CPXM2: variants seen among roughly 807,000 people sequenced by gnomAD.
CPXM2 encodes the protein carboxypeptidase X, M14 family member 2.
In CPXM2, 66 loss-of-function variants were observed where a neutral mutation model predicts 86.1. That is an observed-to-expected ratio of 0.77 (90% CI 0.63 to 0.94). The LOEUF is 0.94. Ranked by LOEUF, CPXM2 falls within the 40% of genes least tolerant of loss-of-function variation. The probability of loss-of-function intolerance (pLI) is 0.00; values close to 1 mark genes in which losing one functional copy is unlikely to be tolerated. For missense variants in CPXM2, 948 were observed against 1,026.3 expected (o/e 0.92, Z 1.04); for synonymous variants, 388 against 400.2 (o/e 0.97, Z 0.36).
upstream of CPXM2, among the ~76,000 whole-genome samples, chr10:123,896,492 T>C (rs1464177358): frequency 2.0e-5 from 3 of 152,216 alleles, no homozygotes; most frequent in Non-Finnish European, 4.4e-5. Context: ...ACTACATAAT[T>C]ACCCATTTCA....
At chr10:123,823,629 A>G (rs1034155847) in intron 4 of CPXM2, among the ~76,000 whole-genome samples, 4 of 152,186 alleles carry the variant, frequency 2.6e-5, no homozygotes, top group African/African-American at 9.7e-5. Context: ...TTGGAAGGAT[A>G]AGAAAATAAA....
intron 13 of CPXM2, among the ~76,000 whole-genome samples, chr10:123,753,800 C>T (rs1846134282): frequency 6.6e-6 from 1 of 152,172 alleles, no homozygotes; most frequent in Admixed American, 6.5e-5. Context: ...TTTTAGAGAT[C>T]ATCCTCTGAC....
At chr10:123,896,106 G>T (rs1945336104), upstream of CPXM2, among the ~76,000 whole-genome samples, 1 of 152,156 alleles carries the variant, frequency 6.6e-6, no homozygotes, top group African/African-American at 2.4e-5. Flanking sequence ...GAGTGTGCAG[G>T]TCTAGAGAAC....
chr10:123,918,456 A>C (rs985717056), intron 2 of CPXM2, among the ~76,000 whole-genome samples: 5 of 151,892 alleles, frequency 3.3e-5, no homozygotes, highest in Non-Finnish European at 7.4e-5. Flanking sequence ...AGAAATAAAA[A>C]CTCGAAGAAA....
Position 123,746,753 on chromosome 10 carries a change from G to A in CPXM2, c.*11C>T. 6.2e-7 allele frequency: 1 copy of A among 1,613,452 alleles called. No homozygotes were observed. The highest frequency in any genetic ancestry group is 8.5e-7 in the Non-Finnish European group (1 of 1,179,750). On this transcript the variant is annotated 3_prime_UTR_variant, in exon 14 of 14. Coordinates refer to ENST00000241305, the MANE Select transcript of CPXM2 (RefSeq NM_198148.3). ...CATGGGTCCCAGACGAGTCTCAAGG[G>A]CCCAGGAGGGTCACCCACGCTGTCG...
intron 10 of CPXM2, among the ~76,000 whole-genome samples, chr10:123,765,704 A>G (rs147405232): frequency 2.1e-3 from 315 of 152,324 alleles, no homozygotes; most frequent in Non-Finnish European, 3.7e-3. Flanking sequence ...TAACTGAACC[A>G]AGTGGCATTG....
chr10:123,882,707 G>A lies in CPXM2; in HGVS notation c.305-2398C>T, dbSNP rs1021575128. Among the ~76,000 whole-genome samples the A allele has an allele frequency of 1.2e-4, 18 of 152,040 alleles. 1 individual carries two copies. Among genetic ancestry groups the A allele is most frequent in the African/African-American group, 3.9e-4 (16 of 41,372 alleles). ...CAGGCAGTGAGAGAGGGAGCCAGGCGGTCCCCCAGCACTATGGCCTGGGCA... is the reference window on the plus strand; with the variant it reads ...CAGGCAGTGAGAGAGGGAGCCAGGCAGTCCCCCAGCACTATGGCCTGGGCA... On this transcript the variant is annotated intron_variant, in intron 1 of 13. Coordinates refer to ENST00000241305, the MANE Select transcript of CPXM2 (RefSeq NM_198148.3).
intron 2 of CPXM2, among the ~76,000 whole-genome samples, chr10:123,870,748 C>T (rs1330628450): frequency 2.0e-5 from 3 of 152,164 alleles, no homozygotes; most frequent in African/African-American, 7.2e-5. Flanking sequence ...CACTGAGCTC[C>T]TCCAGAGAGC....
In CPXM2 at chr10:123,891,455, A is replaced by G; in HGVS notation, c.205T>C (p.Trp69Arg). ...CTGGGCTCCTGCGGGCGCCGCTCCC[A>G]CTCCTCCCCGGGCCCCGCAGGCAGC... Reference protein sequence around the residue: ...PPLPAGPGEEWERRPQEPRPP... With the variant: ...PPLPAGPGEERERRPQEPRPP... Residue 69 changes from tryptophan to arginine, a missense_variant, in exon 1 of 14, where the codon TGG becomes CGG. Trp to Arg is a moderately radical substitution (Grantham distance 101). Coordinates refer to ENST00000241305, the MANE Select transcript of CPXM2 (RefSeq NM_198148.3). The surrounding 1 kb of genome is among the most constrained non-coding windows in gnomAD (Gnocchi z 5.6). 1 of 1,541,894 alleles carries G rather than the reference A, an allele frequency of 6.5e-7. No individual in the cohort carries two copies. Among genetic ancestry groups the G allele is most frequent in the African/African-American group, 1.4e-5 (1 of 71,122 alleles).
chr10:123,787,741 C>CT lies in CPXM2; in HGVS notation c.890-7487dup, dbSNP rs369699040. Among the ~76,000 whole-genome samples the CT allele has an allele frequency of 5.8e-3, 875 of 152,014 alleles. 11 individuals carry two copies. Among genetic ancestry groups the CT allele is most frequent in the African/African-American group, 0.02 (832 of 41,454 alleles). ...GTGCTTGGCTGGGGAAAAGAGGTTC[C>CT]TTTTTTGGGAAGGTGGCTCACCTGC... On this transcript the variant is annotated intron_variant, in intron 6 of 13. Coordinates refer to ENST00000241305, the MANE Select transcript of CPXM2 (RefSeq NM_198148.3).
chr10:123,756,199 C>T (rs1024420080), intron 12 of CPXM2, among the ~76,000 whole-genome samples: 18 of 152,212 alleles, frequency 1.2e-4, no homozygotes, highest in African/African-American at 4.3e-4. Flanking sequence ...CAGAGTCTTA[C>T]TTCCTAATGG....
chr10:123,918,138 C>T (rs1038510513), intron 2 of CPXM2, among the ~76,000 whole-genome samples: 1 of 152,096 alleles, frequency 6.6e-6, no homozygotes, highest in African/African-American at 2.4e-5. Context: ...ATTTCCTCAG[C>T]CATTTCACCT....
chr10:123,941,468 G>T (rs1945776396), upstream of CPXM2, among the ~76,000 whole-genome samples: 1 of 152,132 alleles, frequency 6.6e-6, no homozygotes, highest in Non-Finnish European at 1.5e-5. Context: ...TGGATTAAAA[G>T]CCCCCCACCA....
At chr10:123,830,094 G>C (rs1848133984) in intron 4 of CPXM2, among the ~76,000 whole-genome samples, 1 of 152,062 alleles carries the variant, frequency 6.6e-6, no homozygotes, top group Non-Finnish European at 1.5e-5. Context: ...GTTTAGAAGG[G>C]GTAAGGGCTT....
chr10:123,896,137 G>A (rs1443832504), upstream of CPXM2, among the ~76,000 whole-genome samples: 1 of 152,176 alleles, frequency 6.6e-6, no homozygotes, highest in Non-Finnish European at 1.5e-5. Context: ...AACAAATATT[G>A]TCAAGACATC....
chr10:123,811,401 TG>T (rs529181612), intron 4 of CPXM2, among the ~76,000 whole-genome samples: 255 of 152,312 alleles, frequency 1.7e-3, no homozygotes, highest in African/African-American at 6.0e-3. Flanking sequence ...ATGTGGTGTT[TG>T]GTTTTTTGTC....
At chr10:123,866,564 C>CAA (rs34989736) in intron 2 of CPXM2, among the ~76,000 whole-genome samples, 1 of 143,506 alleles carries the variant, frequency 7.0e-6, no homozygotes, top group African/African-American at 2.5e-5. Flanking sequence ...GACACTGTCT[C>CAA]AAAAAAAAAA....
At chr10:123,771,081 G>C in intron 7 of CPXM2, 42 bp from the exon 8 acceptor site, 1 of 1,594,694 alleles carries the variant, frequency 6.3e-7, no homozygotes, top group Non-Finnish European at 8.6e-7. Context: ...CATTGATGAC[G>C]ATGCACTAAA....
rs1367136389 is a variant in CPXM2, at chr10:123,770,992, G to T, written c.1026C>A (p.Tyr342Ter). The change falls in exon 8 of 14, where the codon TAC becomes TAA. Residue 342 changes from tyrosine to a stop codon, truncating the protein, a stop_gained. Transcript: ENST00000241305. LOFTEE classifies it high-confidence loss of function. ...GGCCCTGGTGGCTTTTTCCAATGTT[G>T]TAAATTCTGGTGATATTGGGACACA... The part of the protein sequence containing the change: ...NEMCPNITRI[Y>*]NIGKSHQGLK... 1 of 1,613,272 alleles carries T rather than the reference G, an allele frequency of 6.2e-7. No homozygotes were observed.
Sources: allele counts gnomAD v4.1 joint callset (sites outside exome capture counted in the v4.1 genomes callset), GRCh38; gene constraint gnomAD v4.1.1; non-coding constraint Gnocchi (gnomAD v3.1); transcripts MANE v1.5; gene names NCBI Gene and HGNC (gene_info 2026-07-23, HGNC 2026-07-21).